STARD13: variants seen among roughly 807,000 people sequenced by gnomAD.
STARD13 encodes the protein StAR related lipid transfer domain containing 13.
STARD13 carries 62 observed loss-of-function variants against 106.4 expected under a neutral mutation model. The observed-to-expected ratio is 0.58, with a 90% CI of 0.48 to 0.72. The LOEUF is 0.72. Ranked by LOEUF, STARD13 falls within the 30% of genes least tolerant of loss-of-function variation. STARD13 has a pLI of 0.00. For synonymous variants in STARD13, 565 were observed against 553.0 expected, an observed-to-expected ratio of 1.02 and a Z score of -0.31; for missense variants, 1,387 against 1,424.0, an observed-to-expected ratio of 0.97 and a Z score of 0.42.
At chr13:33,414,192 G>C in the STARD13 span, among the ~76,000 whole-genome samples, 1 of 152,132 alleles carries the variant, frequency 6.6e-6, no homozygotes, top group Non-Finnish European at 1.5e-5. Context: ...TTCTGACTAC[G>C]ATGCAGAGAA....
At chr13:33,564,713 G>C in the STARD13 span, among the ~76,000 whole-genome samples, 5 of 147,170 alleles carry the variant, frequency 3.4e-5, no homozygotes, top group African/African-American at 1.3e-4. Flanking sequence ...ATGAAATCCA[G>C]GTGGGCGCGG....
At chr13:33,563,688 A>G in the STARD13 span, among the ~76,000 whole-genome samples, 1 of 147,774 alleles carries the variant, frequency 6.8e-6, no homozygotes, top group Non-Finnish European at 1.5e-5. Context: ...TGTATGAGAC[A>G]TGAAAAGCAC....
At chr13:33,238,242 C>T (rs1889292431) in intron 1 of STARD13, among the ~76,000 whole-genome samples, 1 of 152,120 alleles carries the variant, frequency 6.6e-6, no homozygotes, top group Non-Finnish European at 1.5e-5. Context: ...CTTTGTTGGT[C>T]CAACTCCCTG....
chr13:33,534,062 A>G, the STARD13 span, among the ~76,000 whole-genome samples: 1 of 152,192 alleles, frequency 6.6e-6, no homozygotes, highest in Non-Finnish European at 1.5e-5. Context: ...ATAAGTAGAG[A>G]TAAGTGGAGT....
chr13:33,329,412 C>A (rs1034085637), intron 1 of STARD13, among the ~76,000 whole-genome samples: 2 of 152,010 alleles, frequency 1.3e-5, no homozygotes, highest in African/African-American at 4.8e-5. Context: ...ATTTTGGCAC[C>A]CTTTGACCAA....
the STARD13 span, among the ~76,000 whole-genome samples, chr13:33,541,681 T>C: frequency 1.3e-5 from 2 of 151,374 alleles, no homozygotes; most frequent in African/African-American, 4.9e-5. Context: ...ATTGTTTTTA[T>C]ATAGGCCCTG....
At chr13:33,163,641 CATAT>C (rs773984520) in intron 3 of STARD13, among the ~76,000 whole-genome samples, 7 of 52,162 alleles carry the variant, frequency 1.3e-4, no homozygotes, top group Middle Eastern at 0.016. Context: ...ATATATATAA[CATAT>C]ATATATATAA....
chr13:33,571,931 A>G, the STARD13 span, among the ~76,000 whole-genome samples: 4 of 152,220 alleles, frequency 2.6e-5, no homozygotes, highest in Non-Finnish European at 5.9e-5. Context: ...GCTGTGAAAG[A>G]AAATAACCAG....
At chr13:33,365,239 CCAAA>C in the STARD13 span, among the ~76,000 whole-genome samples, 2 of 151,970 alleles carry the variant, frequency 1.3e-5, no homozygotes, top group African/African-American at 4.8e-5. Context: ...AAGAGGTGGA[CCAAA>C]CAAACATCCA....
intron 1 of STARD13, among the ~76,000 whole-genome samples, chr13:33,250,724 AAAT>A (rs1348846187): frequency 6.6e-6 from 1 of 152,254 alleles, no homozygotes; most frequent in African/African-American, 2.4e-5. Context: ...TGAAATCTTT[AAAT>A]ATTCTCAGTC....
At chr13:33,141,141 G>A (rs888284709) in intron 4 of STARD13, among the ~76,000 whole-genome samples, 58 of 152,260 alleles carry the variant, frequency 3.8e-4, no homozygotes, top group Middle Eastern at 6.8e-3. Flanking sequence ...TAGTAGAGAT[G>A]TTAAATGAAA....
chr13:33,107,213 C>T (rs1264764610), intron 12 of STARD13, among the ~76,000 whole-genome samples: 1 of 152,234 alleles, frequency 6.6e-6, no homozygotes, highest in African/African-American at 2.4e-5. Flanking sequence ...GCTGCAGAGG[C>T]TCCTGCCCAT....
At chr13:33,503,852 C>T in the STARD13 span, among the ~76,000 whole-genome samples, 6,111 of 152,086 alleles carry the variant, frequency 0.04, 175 homozygotes, top group Non-Finnish European at 0.065. Context: ...ACAATCTACC[C>T]ATCTGACAAA....
At chr13:33,323,243 T>C (rs1425207754) in intron 1 of STARD13, among the ~76,000 whole-genome samples, 2 of 152,190 alleles carry the variant, frequency 1.3e-5, no homozygotes, top group Non-Finnish European at 2.9e-5. Flanking sequence ...AGTGCTTGCC[T>C]GATTCTGAGC....
At chr13:33,507,099 A>G in the STARD13 span, among the ~76,000 whole-genome samples, 1 of 152,144 alleles carries the variant, frequency 6.6e-6, no homozygotes, top group African/African-American at 2.4e-5. Flanking sequence ...AGACTGTCTC[A>G]TAAAATAAAA....
Position 33,105,351 on chromosome 13 carries a change from AATATAT to A in STARD13, c.*236_*241del, listed in dbSNP as rs1566524135. 2 of 459,324 alleles carry A rather than the reference AATATAT, an allele frequency of 4.4e-6. No individual in the cohort carries two copies. The highest frequency in any genetic ancestry group is 1.9e-5 in the African/African-American group (1 of 51,994). The allele number at this position is 459,324 out of a possible 1,614,324, so 28.5% of individuals were successfully genotyped here. A position where few individuals can be genotyped will look rare whatever the true frequency, so the allele number is the denominator to read the frequency against. On this transcript the variant is annotated 3_prime_UTR_variant, in exon 14 of 14. Transcript: ENST00000336934. ...AGGAATAGTCCATTTAATTTTAAGTAATATATATAAAGTTCTCATTTTAAAATTATA... is the reference window on the plus strand; with the variant it reads ...AGGAATAGTCCATTTAATTTTAAGTAATAAAGTTCTCATTTTAAAATTATA...
chr13:33,253,200 G>C (rs902249651), intron 1 of STARD13, among the ~76,000 whole-genome samples: 1 of 152,152 alleles, frequency 6.6e-6, no homozygotes, highest in Non-Finnish European at 1.5e-5. Flanking sequence ...CAATGACTAT[G>C]GACAGCCAGA....
the STARD13 span, among the ~76,000 whole-genome samples, chr13:33,620,223 C>T: frequency 2.6e-5 from 4 of 151,788 alleles, no homozygotes; most frequent in South Asian, 8.3e-4. Context: ...ACCCACAAGA[C>T]CTAATTGACA....
the STARD13 span, among the ~76,000 whole-genome samples, chr13:33,635,483 C>A: frequency 6.6e-6 from 1 of 151,698 alleles, no homozygotes; most frequent in East Asian, 1.9e-4. Flanking sequence ...CATGGTGAAA[C>A]CCCATCTCTA....
Sources: gnomAD v4.1 joint callset for allele counts (sites outside exome capture counted in the v4.1 genomes callset) on GRCh38, gnomAD v4.1.1 for gene constraint, MANE v1.5 for transcripts, NCBI Gene and HGNC (gene_info 2026-07-23, HGNC 2026-07-21) for gene names.